DMD: variants seen among roughly 807,000 people sequenced by gnomAD.
The protein encoded by DMD is dystrophin, also known as mutant dystrophin.
A neutral mutation model predicts 330.1 loss-of-function variants in DMD; 63 were observed. The observed-to-expected ratio is 0.19, with a 90% CI of 0.16 to 0.24. The LOEUF (loss-of-function observed/expected upper bound fraction) is 0.24. Ranked by LOEUF, DMD falls within the 10% of genes least tolerant of loss-of-function variation. The probability of loss-of-function intolerance (pLI) is 1.00; values close to 1 mark genes in which losing one functional copy is unlikely to be tolerated. For synonymous variants in DMD, 1,223 were observed against 959.8 expected (o/e 1.27, Z -5.07); for missense variants, 3,344 against 2,684.1 (o/e 1.25, Z -5.43).
chrX:32,802,431 A>G (rs180748140), intron 7 of DMD, among the ~76,000 whole-genome samples: 18 of 111,882 alleles, frequency 1.6e-4, no homozygotes, highest in African/African-American at 5.5e-4. Flanking sequence ...TAAATATACA[A>G]TCATGTCATC....
chrX:31,423,160 C>T (rs1455636231), intron 60 of DMD, among the ~76,000 whole-genome samples: 1 of 111,781 alleles, frequency 8.9e-6, no homozygotes, highest in Non-Finnish European at 1.9e-5. Flanking sequence ...AATGTACAGA[C>T]TTTATAGCTT....
intron 60 of DMD, among the ~76,000 whole-genome samples, chrX:31,407,443 G>A (rs1284106047): frequency 1.9e-5 from 2 of 105,227 alleles, no homozygotes; most frequent in African/African-American, 7.1e-5. Context: ...TGGGATTACA[G>A]GTGTGAGCCA....
intron 1 of DMD, among the ~76,000 whole-genome samples, chrX:33,066,983 C>T (rs1004494484): frequency 4.5e-5 from 5 of 111,765 alleles, no homozygotes; most frequent in African/African-American, 6.5e-5. Flanking sequence ...TCAGGGAATT[C>T]GTAGACCGAC....
At chrX:32,576,807 A>T (rs2053111173) in intron 13 of DMD, among the ~76,000 whole-genome samples, 1 of 110,608 alleles carries the variant, frequency 9.0e-6, no homozygotes, top group Non-Finnish European at 1.9e-5. Context: ...TAACATAACT[A>T]TTTAAAAAAT....
intron 62 of DMD, among the ~76,000 whole-genome samples, chrX:31,284,760 T>C (rs1251355696): frequency 1.9e-5 from 2 of 107,916 alleles, no homozygotes; most frequent in East Asian, 5.7e-4. Context: ...TTGATTAAAT[T>C]TTGTTCTTCC....
At chrX:32,866,526 AAATTG>A (rs2082492929) in intron 2 of DMD, among the ~76,000 whole-genome samples, 1 of 111,155 alleles carries the variant, frequency 9.0e-6, no homozygotes, top group East Asian at 2.9e-4. Flanking sequence ...TTTACTGCTG[AAATTG>A]AATATGGGCA....
Position 32,472,301 on chromosome X carries a change from T to G in DMD, c.2812A>C (p.Thr938Pro), listed in dbSNP as rs760391667. The change falls in exon 22 of 79, where the codon ACT (threonine) becomes CCT (proline). Residue 938 changes from threonine (T) to proline (P), a missense_variant. Thr to Pro is a conservative substitution (Grantham distance 38). Coordinates refer to ENST00000357033, the MANE Select transcript of DMD (RefSeq NM_004006.3). Reference sequence around the variant, plus strand: ...TCCTGATAGCGCATTGGTGGCAAAGTGTCAAAAACTTTATCAAAAGGGAAA... The same window carrying G: ...TCCTGATAGCGCATTGGTGGCAAAGGGTCAAAAACTTTATCAAAAGGGAAA... ...REKELQTIFD[T>P]LPPMRYQETM... is the part of the protein sequence containing the mutation. 3.3e-6 allele frequency: 4 copies of G among 1,210,537 alleles called. No individual in the cohort carries two copies. Among genetic ancestry groups the G allele is most frequent in the Non-Finnish European group, 3.4e-6 (3 of 894,717 alleles).
intron 48 of DMD, among the ~76,000 whole-genome samples, chrX:31,861,946 T>TATACAC (rs535459357): frequency 5.7e-5 from 5 of 87,966 alleles, no homozygotes; most frequent in East Asian, 3.7e-4. Context: ...GAAAATAATA[T>TATACAC]ACACACACAC....
At chrX:32,413,884 C>A (rs182714678) in intron 29 of DMD, among the ~76,000 whole-genome samples, 19 of 109,166 alleles carry the variant, frequency 1.7e-4, no homozygotes, top group African/African-American at 6.0e-4. Flanking sequence ...CCATGCCTGG[C>A]GAATTTTTGT....
At chrX:31,887,383 C>T (rs936860067) in intron 47 of DMD, among the ~76,000 whole-genome samples, 22 of 110,914 alleles carry the variant, frequency 2.0e-4, no homozygotes, top group African/African-American at 5.9e-4. Flanking sequence ...CAATAGCCTC[C>T]AACTTCTTTA....
chrX:31,373,614 C>T (rs1239773795), intron 60 of DMD, among the ~76,000 whole-genome samples: 1 of 106,516 alleles, frequency 9.4e-6, no homozygotes, highest in African/African-American at 3.5e-5. Context: ...ACTGGCTAGC[C>T]ATATGTAGAA....
rs185811573 is a variant in DMD, at chrX:32,921,802, T to A, written c.94-71982A>T. Among the ~76,000 whole-genome samples, 3 of 111,887 alleles carry A rather than the reference T, an allele frequency of 2.7e-5. No homozygotes were observed. In the East Asian group the frequency reaches 8.4e-4, roughly 31 times the overall value. ...AAAATATTTTACATAGAAATAATTA[T>A]AAGCATATTCATCCAACCATTTATT... On this transcript the variant is annotated intron_variant, in intron 2 of 78. Transcript: ENST00000357033.
intron 59 of DMD, among the ~76,000 whole-genome samples, chrX:31,470,091 T>C (rs916335594): frequency 1.8e-5 from 2 of 110,997 alleles, no homozygotes; most frequent in African/African-American, 6.6e-5. Flanking sequence ...TTTAAGGTTC[T>C]TAGCTTCCTT....
At chrX:31,326,926 A>C (rs895165082) in intron 61 of DMD, among the ~76,000 whole-genome samples, 1 of 112,277 alleles carries the variant, frequency 8.9e-6, no homozygotes, top group African/African-American at 3.2e-5. Context: ...GTACCAGTGG[A>C]AGCTTGTCAT....
chrX:31,500,131 G>A (rs968991796), intron 56 of DMD, among the ~76,000 whole-genome samples: 1 of 112,236 alleles, frequency 8.9e-6, no homozygotes, highest in Non-Finnish European at 1.9e-5. Flanking sequence ...AGAGAACACT[G>A]AGTAAGAACT....
intron 48 of DMD, among the ~76,000 whole-genome samples, chrX:31,858,167 G>A (rs1389379909): frequency 9.0e-6 from 1 of 111,335 alleles, no homozygotes; most frequent in Non-Finnish European, 1.9e-5. Context: ...ATACTCTTCA[G>A]TGATACAGAA....
chrX:32,884,584 T>A (rs188220779), intron 2 of DMD, among the ~76,000 whole-genome samples: 1 of 112,022 alleles, frequency 8.9e-6, no homozygotes, highest in African/African-American at 3.2e-5. Context: ...AACTAACAGA[T>A]GTTGCTGGAA....
In DMD at chrX:32,188,922, C is replaced by T. The variant is rs1202597920; in HGVS notation, c.6438+27994G>A. Among the ~76,000 whole-genome samples the T allele has an allele frequency of 3.6e-5, 4 of 110,352 alleles. No homozygotes were observed. In the East Asian group the frequency reaches 8.5e-4, roughly 24 times the overall value. Reference sequence around the variant, plus strand: ...AATCTTAAATCCTAAAACAATCCTACGTAGTCAATTTTTGCTTTTTCTTAT... The same window carrying T: ...AATCTTAAATCCTAAAACAATCCTATGTAGTCAATTTTTGCTTTTTCTTAT... On this transcript the variant is annotated intron_variant, in intron 44 of 78. Coordinates refer to ENST00000357033, the MANE Select transcript of DMD (RefSeq NM_004006.3).
At chrX:32,396,568 G>A (rs968317298) in intron 30 of DMD, among the ~76,000 whole-genome samples, 4 of 110,762 alleles carry the variant, frequency 3.6e-5, no homozygotes, top group African/African-American at 1.3e-4. Context: ...TATATATTGT[G>A]TATATCCAAG....
Sources: allele counts gnomAD v4.1 joint callset (sites outside exome capture counted in the v4.1 genomes callset), GRCh38; gene constraint gnomAD v4.1.1; transcripts MANE v1.5; gene names NCBI Gene and HGNC (gene_info 2026-07-23, HGNC 2026-07-21).